The following SPOCK1 variants were observed in gnomAD, a reference collection of about 807,000 sequenced individuals.
SPOCK1 encodes the protein SPARC (osteonectin), cwcv and kazal like domains proteoglycan 1, also known as testican-1.
Under a neutral mutation model 55.3 loss-of-function variants are expected in SPOCK1, and 23 were observed. The ratio of observed to expected loss-of-function variants is 0.42; its 90% CI spans 0.30 to 0.59. The LOEUF (loss-of-function observed/expected upper bound fraction) is 0.59, where lower values mean the gene tolerates loss of function less well. SPOCK1 is among the 20% of genes least tolerant of loss of function. The pLI is 0.22. For missense variants in SPOCK1, 499 were observed against 552.5 expected (o/e 0.90, Z 0.97); for synonymous variants, 226 against 221.0 (o/e 1.02, Z -0.20).
At chr5:137,012,154 G>A (rs1326291377) in intron 6 of SPOCK1, among the ~76,000 whole-genome samples, 1 of 152,118 alleles carries the variant, frequency 6.6e-6, no homozygotes, top group Non-Finnish European at 1.5e-5. Context: ...TCTGTGAGGC[G>A]AGGATTTTAA....
At chr5:137,361,306 GATTA>G (rs1750937920) in intron 2 of SPOCK1, among the ~76,000 whole-genome samples, 1 of 152,302 alleles carries the variant, frequency 6.6e-6, no homozygotes, top group African/African-American at 2.4e-5. Context: ...ATGTTATAAT[GATTA>G]ATTATCTCTC....
At chr5:137,418,888 T>C (rs1313803769) in intron 2 of SPOCK1, among the ~76,000 whole-genome samples, 1 of 152,254 alleles carries the variant, frequency 6.6e-6, no homozygotes, top group Non-Finnish European at 1.5e-5. Context: ...GCCTATGTCC[T>C]GAATGGTATT....
chr5:137,258,648 C>T (rs1196255479), intron 3 of SPOCK1, among the ~76,000 whole-genome samples: 1 of 152,152 alleles, frequency 6.6e-6, no homozygotes, highest in Admixed American at 6.5e-5. Context: ...GACTGTTGTT[C>T]TAGCAGGTGG....
intron 2 of SPOCK1, among the ~76,000 whole-genome samples, chr5:137,283,168 G>A (rs527610078): frequency 6.6e-6 from 1 of 152,252 alleles, no homozygotes; most frequent in Non-Finnish European, 1.5e-5. Context: ...TTTGATTGGG[G>A]TAAGGTTTAT....
At chr5:137,289,595 A>G (rs1418272261) in intron 2 of SPOCK1, among the ~76,000 whole-genome samples, 1 of 152,184 alleles carries the variant, frequency 6.6e-6, no homozygotes, top group Non-Finnish European at 1.5e-5. Context: ...AAGCCATTAG[A>G]GCTGTATATC....
At chr5:137,374,723 A>T (rs1309471740) in intron 2 of SPOCK1, among the ~76,000 whole-genome samples, 2 of 152,228 alleles carry the variant, frequency 1.3e-5, no homozygotes, top group Non-Finnish European at 2.9e-5. Flanking sequence ...CACAGCATGC[A>T]GTGCTTTCCT....
intron 2 of SPOCK1, among the ~76,000 whole-genome samples, chr5:137,443,103 G>GA (rs1377225199): frequency 7.5e-4 from 113 of 150,206 alleles, no homozygotes; most frequent in Non-Finnish European, 1.0e-3. Flanking sequence ...GGGCTTTGGG[G>GA]AAAAAGAAAA....
intron 6 of SPOCK1, among the ~76,000 whole-genome samples, chr5:137,066,777 A>G (rs950660488): frequency 1.3e-5 from 2 of 151,998 alleles, no homozygotes; most frequent in African/African-American, 4.8e-5. Flanking sequence ...CCTGACTTAA[A>G]CCTCCTAAAG....
At chr5:137,139,217 C>A (rs1281182740) in intron 4 of SPOCK1, among the ~76,000 whole-genome samples, 2 of 152,178 alleles carry the variant, frequency 1.3e-5, no homozygotes, top group East Asian at 3.9e-4. Context: ...ATTTTAAAAA[C>A]AACCTTGACA....
intron 2 of SPOCK1, among the ~76,000 whole-genome samples, chr5:137,334,359 A>G (rs968970212): frequency 3.4e-4 from 51 of 152,236 alleles, no homozygotes; most frequent in African/African-American, 1.2e-3. Flanking sequence ...CTGAAGGCAG[A>G]CAGGCTGTAA....
chr5:136,980,816 T>C (rs1750714247), intron 9 of SPOCK1, among the ~76,000 whole-genome samples: 1 of 152,230 alleles, frequency 6.6e-6, no homozygotes, highest in Non-Finnish European at 1.5e-5. Context: ...GATTCAGATA[T>C]GCTCTAGAGA....
chr5:137,343,736 C>T (rs984120555), intron 2 of SPOCK1, among the ~76,000 whole-genome samples: 1 of 152,246 alleles, frequency 6.6e-6, no homozygotes, highest in Non-Finnish European at 1.5e-5. Context: ...ATTCATCCTG[C>T]AACATGTTCC....
At chr5:137,029,185 G>T (rs1345007397) in intron 6 of SPOCK1, among the ~76,000 whole-genome samples, 1 of 152,126 alleles carries the variant, frequency 6.6e-6, no homozygotes, top group Non-Finnish European at 1.5e-5. Context: ...AGCTATCTTG[G>T]TTTTGGTTTA....
intron 3 of SPOCK1, among the ~76,000 whole-genome samples, chr5:137,214,978 G>A (rs1359975279): frequency 6.6e-6 from 1 of 152,090 alleles, no homozygotes; most frequent in Non-Finnish European, 1.5e-5. Flanking sequence ...CAGACCAAAG[G>A]CATACCATGT....
At chr5:137,044,987 G>T (rs1752083584) in intron 6 of SPOCK1, among the ~76,000 whole-genome samples, 1 of 130,166 alleles carries the variant, frequency 7.7e-6, no homozygotes, top group Non-Finnish European at 1.6e-5. Flanking sequence ...CATTTTTTAT[G>T]GCTGCATAGT....
chr5:137,065,911 A>T (rs1183686533), intron 6 of SPOCK1, among the ~76,000 whole-genome samples: 1 of 152,212 alleles, frequency 6.6e-6, no homozygotes, highest in Admixed American at 6.5e-5. Context: ...ATAATTGAAC[A>T]AATAGATGGC....
chr5:137,090,843 G>T (rs1318064108), intron 5 of SPOCK1, among the ~76,000 whole-genome samples: 1 of 152,076 alleles, frequency 6.6e-6, no homozygotes, highest in Non-Finnish European at 1.5e-5. Flanking sequence ...CTCCTGAGAC[G>T]CTCAGGCACC....
chr5:137,271,511 G>A (rs1047459705), intron 2 of SPOCK1, among the ~76,000 whole-genome samples: 1 of 151,896 alleles, frequency 6.6e-6, no homozygotes, highest in Non-Finnish European at 1.5e-5. Context: ...TGCTTAACAT[G>A]AAATGACAAA....
chr5:137,237,093 G>A (rs1007296253), intron 3 of SPOCK1, among the ~76,000 whole-genome samples: 1 of 152,150 alleles, frequency 6.6e-6, no homozygotes, highest in African/African-American at 2.4e-5. Flanking sequence ...GTAAATCAGC[G>A]ATGCCAATGG....
Sources: gnomAD v4.1 joint callset for allele counts (sites outside exome capture counted in the v4.1 genomes callset) on GRCh38, gnomAD v4.1.1 for gene constraint, MANE v1.5 for transcripts, NCBI Gene and HGNC (gene_info 2026-07-23, HGNC 2026-07-21) for gene names.